Variants in PEPD observed in about 807,000 individuals in gnomAD.
PEPD encodes peptidase D.
PEPD carries 53 observed loss-of-function variants against 60.7 expected under a neutral mutation model. That is an observed-to-expected ratio of 0.87 (90% CI 0.70 to 1.10). PEPD has a LOEUF of 1.10. Among genes scored for constraint, PEPD ranks in the 50% least tolerant of loss-of-function variants. PEPD has a pLI of 0.00. For synonymous variants in PEPD, 267 were observed against 284.1 expected, an observed-to-expected ratio of 0.94 and a Z score of 0.60; for missense variants, 711 against 711.9, an observed-to-expected ratio of 1.00 and a Z score of 0.01.
intron 4 of PEPD, among the ~76,000 whole-genome samples, chr19:33,497,346 G>A (rs1046706243): frequency 2.6e-5 from 4 of 152,240 alleles, no homozygotes; most frequent in Admixed American, 6.5e-5. Flanking sequence ...TGCATGGAAC[G>A]CACGCTTCAC....
In PEPD at chr19:33,426,911, A is replaced by G. The variant is rs149370505; in HGVS notation, c.672-13268T>C. ...AAATGTGCCATGGAGGGAGGCCCAG[A>G]CACCATCTGTCAGGGCCAGCCTGGA... is the stretch of plus-strand genomic sequence containing the variant. On this transcript the variant is annotated intron_variant, in intron 9 of 14. Coordinates refer to ENST00000244137, the MANE Select transcript of PEPD (RefSeq NM_000285.4). 3.1e-3 allele frequency among the ~76,000 whole-genome samples: 468 copies of G among 152,338 alleles called. 4 individuals are homozygous for G. Among genetic ancestry groups the G allele is most frequent in the African/African-American group, 0.011 (452 of 41,584 alleles).
At chr19:33,501,687 A>T (rs916837792) in intron 3 of PEPD, among the ~76,000 whole-genome samples, 1 of 151,384 alleles carries the variant, frequency 6.6e-6, no homozygotes, top group South Asian at 2.1e-4. Context: ...AAATAATAAT[A>T]ATTATTATTA....
At chr19:33,398,361 C>T (rs1216113508) in intron 12 of PEPD, among the ~76,000 whole-genome samples, 3 of 152,210 alleles carry the variant, frequency 2.0e-5, no homozygotes, top group Non-Finnish European at 4.4e-5. Context: ...CACGACTGCC[C>T]GTGGATGTCT....
intron 7 of PEPD, among the ~76,000 whole-genome samples, chr19:33,468,265 C>T (rs1042902447): frequency 7.2e-5 from 11 of 152,228 alleles, no homozygotes; most frequent in Admixed American, 4.6e-4. Context: ...CAAAGGCCCA[C>T]CCGTGACTCT....
intron 13 of PEPD, 81 bp from the exon 14 acceptor site, chr19:33,388,162 G>A (rs945376685): frequency 1.7e-6 from 2 of 1,193,844 alleles, no homozygotes; most frequent in Non-Finnish European, 2.4e-6. Context: ...GGCATGTGAG[G>A]GCCGGTGCCA....
At chr19:33,461,787 C>G (rs1969930352) in intron 9 of PEPD, among the ~76,000 whole-genome samples, 1 of 152,194 alleles carries the variant, frequency 6.6e-6, no homozygotes, top group Admixed American at 6.5e-5. Context: ...CAGAAGGAGA[C>G]CACGCAGACG....
At chr19:33,479,925 G>A (rs1209497560) in intron 6 of PEPD, among the ~76,000 whole-genome samples, 2 of 152,198 alleles carry the variant, frequency 1.3e-5, no homozygotes, top group Non-Finnish European at 2.9e-5. Context: ...TCCTTTGGGT[G>A]TATACTCAGT....
At chr19:33,433,165 C>T (rs1328304354) in intron 9 of PEPD, among the ~76,000 whole-genome samples, 1 of 152,254 alleles carries the variant, frequency 6.6e-6, no homozygotes, top group Non-Finnish European at 1.5e-5. Flanking sequence ...GTCTCGGGCA[C>T]AGAACATGCT....
At position 33,387,869 on chromosome 19, in the gene PEPD, A is replaced by C. The variant is rs544805554; in HGVS notation, c.1344+21T>G. 87 of 1,545,520 alleles carry C rather than the reference A, an allele frequency of 5.6e-5. 1 individual carries two copies. In the African/African-American group the frequency reaches 1.0e-3, roughly 18 times the overall value. On this transcript the variant is annotated intron_variant, in intron 14 of 14. Coordinates refer to ENST00000244137, the MANE Select transcript of PEPD (RefSeq NM_000285.4). ...GGTGGCAGATGTTCTGGGAGCAAGA[A>C]TGGGGCCCGTGGGCACTCACCCCGC...
At chr19:33,391,218 A>T in intron 13 of PEPD, 77 bp downstream of exon 13, 2 of 1,190,664 alleles carry the variant, frequency 1.7e-6, no homozygotes, top group South Asian at 1.3e-5. Flanking sequence ...TGCCTCCTAG[A>T]GTCCCACCCT....
intron 12 of PEPD, among the ~76,000 whole-genome samples, chr19:33,396,919 A>T (rs1017100213): frequency 6.6e-6 from 1 of 152,002 alleles, no homozygotes; most frequent in Non-Finnish European, 1.5e-5. Context: ...GCAGACCCTG[A>T]CTCAGGGCCA....
intron 2 of PEPD, among the ~76,000 whole-genome samples, chr19:33,511,778 C>T (rs1970930756): frequency 4.6e-5 from 7 of 152,236 alleles, no homozygotes. Flanking sequence ...AGCATCAAGA[C>T]TAGCCAGAGA....
chr19:33,479,736 G>C (rs1016979923), intron 6 of PEPD, among the ~76,000 whole-genome samples: 4 of 152,194 alleles, frequency 2.6e-5, no homozygotes, highest in African/African-American at 9.7e-5. Context: ...CCATGTTCTT[G>C]CAAAGGACAT....
intron 1 of PEPD, among the ~76,000 whole-genome samples, chr19:33,514,528 G>A (rs1970990746): frequency 6.6e-6 from 1 of 151,894 alleles, no homozygotes; most frequent in Non-Finnish European, 1.5e-5. Flanking sequence ...CCTGGCCTGA[G>A]GTTTCCCCAC....
At chr19:33,515,870 A>G (rs1971014574) in intron 1 of PEPD, among the ~76,000 whole-genome samples, 1 of 152,056 alleles carries the variant, frequency 6.6e-6, no homozygotes, top group Non-Finnish European at 1.5e-5. Context: ...TGCTCACAGA[A>G]GGGCTGGCCT....
intron 1 of PEPD, among the ~76,000 whole-genome samples, chr19:33,518,533 G>A (rs1414826666): frequency 6.6e-6 from 1 of 152,104 alleles, no homozygotes; most frequent in Non-Finnish European, 1.5e-5. Context: ...AACAGCTCCT[G>A]GGAGCCACTC....
At chr19:33,484,860 G>C (rs1047822976) in intron 6 of PEPD, among the ~76,000 whole-genome samples, 1 of 152,176 alleles carries the variant, frequency 6.6e-6, no homozygotes, top group Non-Finnish European at 1.5e-5. Context: ...GTTGAACCCT[G>C]GGTAATAAAA....
Position 33,413,660 on chromosome 19 carries a change from G to C in PEPD, c.672-17C>G, listed in dbSNP as rs372988101. 3 of 1,545,762 alleles carry C rather than the reference G, an allele frequency of 1.9e-6. No individual in the cohort carries two copies. The highest frequency in any genetic ancestry group is 2.6e-6 in the Non-Finnish European group (3 of 1,134,296). On this transcript the variant is annotated splice_polypyrimidine_tract_variant and intron_variant, in intron 9 of 14. Transcript: ENST00000244137. ...TCGAAGAGGCTGCAGGGGGAGAGAC[G>C]CGTCAGGGTTGGGGCACTAGAGCAG... is the stretch of plus-strand genomic sequence containing the variant.
intron 9 of PEPD, among the ~76,000 whole-genome samples, chr19:33,445,916 C>T (rs940814921): frequency 2.6e-5 from 4 of 152,186 alleles, no homozygotes; most frequent in Non-Finnish European, 4.4e-5. Context: ...CCACCAGGAG[C>T]GGCCTGAATT....
Sources: allele counts gnomAD v4.1 joint callset (sites outside exome capture counted in the v4.1 genomes callset), GRCh38; gene constraint gnomAD v4.1.1; transcripts MANE v1.5; gene names NCBI Gene and HGNC (gene_info 2026-07-23, HGNC 2026-07-21).